Variants in DYNC2LI1 observed in about 807,000 individuals in gnomAD.
DYNC2LI1 encodes cytoplasmic dynein 2 light intermediate chain 1.
In DYNC2LI1, 45 loss-of-function variants were observed where a neutral mutation model predicts 51.9. The observed-to-expected ratio is 0.87, with a 90% confidence interval of 0.68 to 1.11. DYNC2LI1 has a LOEUF of 1.11. Among genes scored for constraint, DYNC2LI1 ranks in the 50% most tolerant of loss-of-function variants. The pLI, the probability that DYNC2LI1 is intolerant of heterozygous loss-of-function variation, is 0.00. For missense variants in DYNC2LI1, 490 were observed against 417.4 expected, an observed-to-expected ratio of 1.17 and a Z score of -1.51; for synonymous variants, 130 against 137.8, an observed-to-expected ratio of 0.94 and a Z score of 0.40.
At chr2:43,823,401 A>G in the DYNC2LI1 span, among the ~76,000 whole-genome samples, 1 of 151,960 alleles carries the variant, frequency 6.6e-6, no homozygotes, top group Non-Finnish European at 1.5e-5. Flanking sequence ...ACTTCACAAT[A>G]GCGAAGTCCT....
At chr2:43,775,345 G>GT (rs1438239752) in intron 1 of DYNC2LI1, among the ~76,000 whole-genome samples, 1 of 152,036 alleles carries the variant, frequency 6.6e-6, no homozygotes, top group African/African-American at 2.4e-5. Context: ...CCCATGGTTA[G>GT]TTTTTAGTTT....
chr2:43,804,698 G>A lies in DYNC2LI1; in HGVS notation c.859G>A (p.Glu287Lys). The change falls in exon 11 of 13, where the codon GAG (glutamate) becomes AAG (lysine). Residue 287 changes from glutamate to lysine, a missense_variant. By Grantham distance (56) the Glu-to-Lys change is moderately conservative. Coordinates refer to ENST00000260605, the MANE Select transcript of DYNC2LI1 (RefSeq NM_016008.4). ...AAAGCTTCATGCCCACTCACCTATG[G>A]AGTTGTGGAAAAAAGTGTATGAAAA... is the stretch of plus-strand genomic sequence containing the variant. Reference protein sequence around the residue: ...IGKLHAHSPMELWKKVYEKLF... With the variant: ...IGKLHAHSPMKLWKKVYEKLF... The A allele has an allele frequency of 6.2e-7, 1 of 1,606,698 alleles. No individual in the cohort carries two copies. Among genetic ancestry groups the A allele is most frequent in the Non-Finnish European group, 8.5e-7 (1 of 1,177,450 alleles).
chr2:43,804,582 T>C, intron 10 of DYNC2LI1, 60 bp from the exon 11 acceptor site: 1 of 1,059,140 alleles, frequency 9.4e-7, no homozygotes, highest in Non-Finnish European at 1.4e-6. Context: ...TTTCTTTTAT[T>C]GGTGGAGTTT....
intron 3 of DYNC2LI1, among the ~76,000 whole-genome samples, chr2:43,784,065 T>C (rs2104672037): frequency 6.6e-6 from 1 of 152,342 alleles, no homozygotes; most frequent in Non-Finnish European, 1.5e-5. Context: ...GAGGAAAGCC[T>C]TCAGTCATTT....
chr2:43,801,589 A>T, intron 9 of DYNC2LI1, 50 bp from the exon 10 acceptor site: 1 of 1,408,900 alleles, frequency 7.1e-7, no homozygotes, highest in Non-Finnish European at 1.0e-6. Flanking sequence ...AGAGCGTGGC[A>T]GCAAATCTAA....
At position 43,795,923 on chromosome 2, in the gene DYNC2LI1, C is replaced by T. The variant is rs1366800880; in HGVS notation, c.541C>T (p.Leu181=). 8.1e-6 allele frequency: 13 copies of T among 1,613,538 alleles called. No homozygotes were observed. Among genetic ancestry groups the T allele is most frequent in the Non-Finnish European group, 9.3e-6 (11 of 1,179,616 alleles). Residue 181 remains leucine, a synonymous_variant, in exon 7 of 13, where the codon CTG becomes TTG. Transcript: ENST00000260605. ...ATTAATTGACCCATTTCCGGTACCT[C>T]TGGTCATAATTGGAAGTAAATATGA... ...HELIDPFPVP[L]VIIGSKYDVF...
chr2:43,814,561 T>C, downstream of DYNC2LI1: 1 of 1,605,154 alleles, frequency 6.2e-7, no homozygotes, highest in Non-Finnish European at 8.5e-7. Flanking sequence ...CTGATGATTT[T>C]AAAAGGAATG....
At chr2:43,828,250 G>A in the DYNC2LI1 span, 2 of 1,155,464 alleles carry the variant, frequency 1.7e-6, no homozygotes, top group Admixed American at 1.9e-5. Context: ...ACCACACCCT[G>A]GGGAAAGCAT....
chr2:43,775,913 C>T (rs1203765371), intron 1 of DYNC2LI1: 8 of 172,850 alleles, frequency 4.6e-5, no homozygotes, highest in African/African-American at 1.7e-4. Flanking sequence ...CCATGTTGGC[C>T]AGGCTGGTCT....
intron 5 of DYNC2LI1, among the ~76,000 whole-genome samples, chr2:43,791,681 C>G (rs1166911139): frequency 6.6e-6 from 1 of 152,214 alleles, no homozygotes; most frequent in Non-Finnish European, 1.5e-5. Flanking sequence ...TAGTTTGACA[C>G]ATAATTTCCT....
chr2:43,795,102 A>T (rs1341907413), intron 6 of DYNC2LI1: 1 of 1,000,066 alleles, frequency 1.0e-6, no homozygotes, highest in Admixed American at 5.6e-5. Flanking sequence ...ATCATCTGAC[A>T]GCTAATTAAA....
chr2:43,775,818 G>T, intron 1 of DYNC2LI1: 1 of 233,548 alleles, frequency 4.3e-6, no homozygotes, highest in Non-Finnish European at 8.3e-6. Context: ...CTCCTGAGTA[G>T]CTGGAGTTAC....
chr2:43,817,479 ACT>A, the DYNC2LI1 span, among the ~76,000 whole-genome samples: 1 of 149,772 alleles, frequency 6.7e-6, no homozygotes, highest in Non-Finnish European at 1.5e-5. Context: ...AGTGAGTGAG[ACT>A]CTGCGTCAAG....
intron 6 of DYNC2LI1, chr2:43,795,228 G>A (rs1488854519): frequency 1.0e-6 from 1 of 981,616 alleles, no homozygotes; most frequent in African/African-American, 1.8e-5. Flanking sequence ...AAGTGTAGCA[G>A]GGTGCGATGG....
chr2:43,809,979 A>T lies in DYNC2LI1; in HGVS notation c.*212A>T. 1 of 1,251,214 alleles carries T rather than the reference A, an allele frequency of 8.0e-7. No individual in the cohort carries two copies. The highest frequency in any genetic ancestry group is 3.2e-5 in the East Asian group (1 of 31,720). The allele number at this position is 1,251,214 out of a possible 1,614,324, so 77.5% of individuals were successfully genotyped here. On this transcript the variant is annotated 3_prime_UTR_variant, in exon 13 of 13. Coordinates refer to ENST00000260605, the MANE Select transcript of DYNC2LI1 (RefSeq NM_016008.4). The stretch of plus-strand genomic sequence containing the variant: ...GTAGAACCACGTGTAATTTTTTTTA[A>T]AATAAAAGAATCTTCTACTACCTAC...
In DYNC2LI1 at chr2:43,774,509, G is replaced by A. The variant is rs184985369; in HGVS notation, c.8+363G>A. ...TCCCCTCCTGGTGCGGGGGTTCGCA[G>A]TAATAAGCGAGGGGAAACTTGGAAG... On this transcript the variant is annotated intron_variant, in intron 1 of 12. Coordinates refer to ENST00000260605, the MANE Select transcript of DYNC2LI1 (RefSeq NM_016008.4). Among the ~76,000 whole-genome samples the A allele has an allele frequency of 2.5e-3, 377 of 152,306 alleles. 4 individuals carry two copies. Among genetic ancestry groups the A allele is most frequent in the African/African-American group, 8.8e-3 (365 of 41,566 alleles).
chr2:43,813,692 T>G (rs1423951773), downstream of DYNC2LI1, among the ~76,000 whole-genome samples: 3 of 147,356 alleles, frequency 2.0e-5, no homozygotes, highest in African/African-American at 7.6e-5. Flanking sequence ...TTTGTTTTTT[T>G]TGGGGTTTTT....
intron 12 of DYNC2LI1, among the ~76,000 whole-genome samples, chr2:43,806,696 C>T (rs987433502): frequency 2.0e-5 from 3 of 152,096 alleles, no homozygotes; most frequent in Non-Finnish European, 4.4e-5. Flanking sequence ...AGTTCATATA[C>T]ATCAGTATTA....
chr2:43,807,765 A>AAG (rs1475681402), intron 12 of DYNC2LI1, among the ~76,000 whole-genome samples: 22 of 151,282 alleles, frequency 1.5e-4, no homozygotes, highest in African/African-American at 5.3e-4. Flanking sequence ...AAAAAAAAAA[A>AAG]AAAAAAAAGG....
Sources: allele counts gnomAD v4.1 joint callset (sites outside exome capture counted in the v4.1 genomes callset), GRCh38; gene constraint gnomAD v4.1.1; transcripts MANE v1.5; gene names NCBI Gene and HGNC (gene_info 2026-07-23, HGNC 2026-07-21).